The following OTUD7A variants were observed in gnomAD, a reference collection of about 807,000 sequenced individuals.
OTUD7A encodes OTU deubiquitinase 7A.
Under a neutral mutation model 65.7 loss-of-function variants are expected in OTUD7A, and 12 were observed. The ratio of observed to expected loss-of-function variants is 0.18; its 90% CI spans 0.12 to 0.30. OTUD7A has a LOEUF of 0.30. Among genes scored for constraint, OTUD7A ranks in the 10% least tolerant of loss-of-function variants. OTUD7A has a pLI of 1.00. For missense variants in OTUD7A, 1,148 were observed against 1,304.8 expected, an observed-to-expected ratio of 0.88 and a Z score of 1.85; for synonymous variants, 641 against 586.3, an observed-to-expected ratio of 1.09 and a Z score of -1.35.
chr15:31,639,236 C>G (rs1201123410), intron 3 of OTUD7A, among the ~76,000 whole-genome samples: 1 of 152,088 alleles, frequency 6.6e-6, no homozygotes, highest in Non-Finnish European at 1.5e-5. Context: ...ATTTCCTAGA[C>G]TTTACATAAG....
chr15:31,817,274 T>TGC (rs1377408554), intron 1 of OTUD7A, among the ~76,000 whole-genome samples: 4 of 93,018 alleles, frequency 4.3e-5, no homozygotes, highest in Admixed American at 2.5e-4. Context: ...CTAGATCATT[T>TGC]GCCCCCCCCC....
At chr15:31,524,018 A>T (rs16956830) in intron 8 of OTUD7A, among the ~76,000 whole-genome samples, 16,004 of 152,274 alleles carry the variant, frequency 0.11, 1,529 homozygotes, top group African/African-American at 0.26. Flanking sequence ...CTGGTTCCAA[A>T]GGCCTCCCTC....
intron 1 of OTUD7A, among the ~76,000 whole-genome samples, chr15:31,750,181 G>A (rs529877667): frequency 6.6e-6 from 1 of 152,146 alleles, no homozygotes; most frequent in Non-Finnish European, 1.5e-5. Flanking sequence ...GCTGAGGCGG[G>A]TGGATCACTT....
rs538755044 is a variant in OTUD7A, at chr15:31,735,410, C to T, written c.-99-78333G>A. On this transcript the variant is annotated intron_variant, in intron 1 of 12. Transcript: ENST00000307050. The stretch of plus-strand genomic sequence containing the variant: ...GGGTGTGGTGGCACACGCCTGTAAT[C>T]CCAGCTACTCGGGAGGCTGATGCAG... Among the ~76,000 whole-genome samples, 3 of 152,186 alleles carry T rather than the reference C, an allele frequency of 2.0e-5. No individual in the cohort carries two copies. In the South Asian group the frequency reaches 6.2e-4, roughly 32 times the overall value.
intron 1 of OTUD7A, among the ~76,000 whole-genome samples, chr15:31,659,496 G>T (rs550603865): frequency 6.6e-6 from 1 of 152,228 alleles, no homozygotes; most frequent in Non-Finnish European, 1.5e-5. Flanking sequence ...CTCAGGAATC[G>T]ACATAAACAA....
chr15:31,634,573 A>G (rs1891281918), intron 3 of OTUD7A, among the ~76,000 whole-genome samples: 1 of 152,200 alleles, frequency 6.6e-6, no homozygotes, highest in African/African-American at 2.4e-5. Context: ...AGCTCTGTGC[A>G]TGCTCATGGC....
At chr15:31,747,886 T>C (rs1016360792) in intron 1 of OTUD7A, among the ~76,000 whole-genome samples, 11 of 152,156 alleles carry the variant, frequency 7.2e-5, no homozygotes, top group African/African-American at 2.4e-4. Context: ...ATCACTTCCG[T>C]GGCACTGCTG....
intron 1 of OTUD7A, among the ~76,000 whole-genome samples, chr15:31,857,300 C>T (rs1397732734): frequency 3.3e-5 from 5 of 152,182 alleles, no homozygotes; most frequent in African/African-American, 1.2e-4. Context: ...ATGTCACATA[C>T]AGGGACACTG....
intron 1 of OTUD7A, among the ~76,000 whole-genome samples, chr15:31,842,809 A>G (rs1310649945): frequency 6.6e-6 from 1 of 152,184 alleles, no homozygotes; most frequent in African/African-American, 2.4e-5. Flanking sequence ...ATAGTAGAAC[A>G]GAAGAAAATC....
intron 3 of OTUD7A, among the ~76,000 whole-genome samples, chr15:31,570,935 A>G (rs1227632399): frequency 6.6e-6 from 1 of 152,164 alleles, no homozygotes; most frequent in East Asian, 1.9e-4. Context: ...ATCACACACT[A>G]CACCCGATTC....
intron 5 of OTUD7A, among the ~76,000 whole-genome samples, chr15:31,548,617 A>T (rs1441217787): frequency 6.6e-6 from 1 of 152,070 alleles, no homozygotes; most frequent in Non-Finnish European, 1.5e-5. Flanking sequence ...CATGCAGCCG[A>T]TGTGAGATCT....
At chr15:31,719,155 A>T (rs1366489361) in intron 1 of OTUD7A, among the ~76,000 whole-genome samples, 1 of 152,166 alleles carries the variant, frequency 6.6e-6, no homozygotes, top group African/African-American at 2.4e-5. Flanking sequence ...TGCAATCATA[A>T]TTCACTGCAG....
At chr15:31,826,011 T>A (rs1225123807) in intron 1 of OTUD7A, among the ~76,000 whole-genome samples, 1 of 152,214 alleles carries the variant, frequency 6.6e-6, no homozygotes. Flanking sequence ...CCCTCCCAGC[T>A]GCTTTTTGGG....
intron 1 of OTUD7A, among the ~76,000 whole-genome samples, chr15:31,790,606 C>T (rs1158031236): frequency 6.6e-6 from 1 of 152,200 alleles, no homozygotes; most frequent in Admixed American, 6.5e-5. Context: ...ACAAGTCCAA[C>T]CTGGGGTGGA....
At chr15:31,719,057 G>A (rs1459494523) in intron 1 of OTUD7A, among the ~76,000 whole-genome samples, 1 of 151,998 alleles carries the variant, frequency 6.6e-6, no homozygotes. Flanking sequence ...TGCATTATTG[G>A]TTCACATTCA....
chr15:31,582,215 C>T (rs977628319), intron 3 of OTUD7A, among the ~76,000 whole-genome samples: 2 of 152,228 alleles, frequency 1.3e-5, no homozygotes, highest in African/African-American at 4.8e-5. Context: ...CTATCTGAGA[C>T]CACCTCAGCC....
At chr15:31,514,232 G>A (rs1170532122) in intron 8 of OTUD7A, among the ~76,000 whole-genome samples, 1 of 151,448 alleles carries the variant, frequency 6.6e-6, no homozygotes, top group Non-Finnish European at 1.5e-5. Flanking sequence ...TTTCATTTTT[G>A]TAGAGACGGG....
chr15:31,817,275 G>T (rs77727247), intron 1 of OTUD7A, among the ~76,000 whole-genome samples: 19 of 143,680 alleles, frequency 1.3e-4, no homozygotes, highest in African/African-American at 4.4e-4. Context: ...TAGATCATTT[G>T]CCCCCCCCCA....
intron 1 of OTUD7A, among the ~76,000 whole-genome samples, chr15:31,867,512 T>C (rs1004676806): frequency 6.6e-6 from 1 of 152,116 alleles, no homozygotes; most frequent in Non-Finnish European, 1.5e-5. Context: ...AGGGGTCAAA[T>C]AGGCCCCTCT....
Sources: allele counts gnomAD v4.1 joint callset (sites outside exome capture counted in the v4.1 genomes callset), GRCh38; gene constraint gnomAD v4.1.1; transcripts MANE v1.5; gene names NCBI Gene and HGNC (gene_info 2026-07-23, HGNC 2026-07-21).